Variants in FYB1 observed in about 807,000 individuals in gnomAD.
The protein encoded by FYB1 is FYN-binding protein 1.
FYB1 carries 41 observed loss-of-function variants against 94.1 expected under a neutral mutation model. The observed-to-expected ratio is 0.44, with a 90% CI of 0.34 to 0.57. The LOEUF is 0.57. Among genes scored for constraint, FYB1 ranks in the 20% least tolerant of loss-of-function variants. The pLI is 0.02. For missense variants in FYB1, 1,050 were observed against 976.8 expected (o/e 1.07, Z -1.00); for synonymous variants, 367 against 353.2 (o/e 1.04, Z -0.44).
At chr5:39,247,661 A>G (rs933101856) in intron 1 of FYB1, among the ~76,000 whole-genome samples, 1 of 151,942 alleles carries the variant, frequency 6.6e-6, no homozygotes, top group Non-Finnish European at 1.5e-5. Flanking sequence ...ATTTATAGCC[A>G]TTTTTCTTTA....
chr5:39,206,229 A>T (rs142932958), intron 1 of FYB1, among the ~76,000 whole-genome samples: 2 of 152,206 alleles, frequency 1.3e-5, no homozygotes, highest in African/African-American at 2.4e-5. Flanking sequence ...CCCCTTAGCC[A>T]CTAATATGTC....
intron 9 of FYB1, among the ~76,000 whole-genome samples, chr5:39,131,337 T>C (rs1481511260): frequency 5.9e-5 from 9 of 152,218 alleles, no homozygotes; most frequent in Non-Finnish European, 8.8e-5. Context: ...TCCCTCATTA[T>C]ACAGAAAAGA....
chr5:39,230,234 G>GT (rs1750661235), intron 1 of FYB1, among the ~76,000 whole-genome samples: 1 of 152,172 alleles, frequency 6.6e-6, no homozygotes, highest in Non-Finnish European at 1.5e-5. Context: ...CAGAAGGATC[G>GT]TTATACATGG....
intron 2 of FYB1, among the ~76,000 whole-genome samples, chr5:39,171,286 C>CAA (rs879557601): frequency 6.4e-5 from 9 of 140,558 alleles, no homozygotes; most frequent in African/African-American, 2.1e-4. Context: ...ACTCTGTCTC[C>CAA]AAAAAAAAAA....
At chr5:39,120,348 T>A (rs939574778) in intron 14 of FYB1, among the ~76,000 whole-genome samples, 7 of 151,978 alleles carry the variant, frequency 4.6e-5, no homozygotes, top group East Asian at 1.9e-4. Flanking sequence ...TTACTTTTTT[T>A]AAAACTGCTA....
At chr5:39,197,379 C>G (rs2150480861) in intron 2 of FYB1, among the ~76,000 whole-genome samples, 1 of 152,148 alleles carries the variant, frequency 6.6e-6, no homozygotes, top group Middle Eastern at 3.4e-3. Flanking sequence ...TCTGGAAGCC[C>G]TGTTATATGA....
chr5:39,242,910 A>G (rs1050349104), intron 1 of FYB1, among the ~76,000 whole-genome samples: 1 of 152,036 alleles, frequency 6.6e-6, no homozygotes, highest in Non-Finnish European at 1.5e-5. Context: ...GCATTTTTTC[A>G]TGTGTCTGTT....
chr5:39,150,784 G>C (rs1366085326), intron 3 of FYB1, among the ~76,000 whole-genome samples: 5 of 152,176 alleles, frequency 3.3e-5, no homozygotes, highest in Admixed American at 2.0e-4. Context: ...ATCATGGTCA[G>C]TGCTACTGCA....
intron 1 of FYB1, among the ~76,000 whole-genome samples, chr5:39,240,998 T>C (rs2150587111): frequency 6.6e-6 from 1 of 152,284 alleles, no homozygotes; most frequent in African/African-American, 2.4e-5. Context: ...TAAAAAAGAA[T>C]GAGATCATGT....
At position 39,247,989 on chromosome 5, in the gene FYB1, G is replaced by T. The variant is rs572871225; in HGVS notation, c.-28+26414C>A. On this transcript the variant is annotated intron_variant, in intron 1 of 1. Transcript: ENST00000510188. ...AGCAGTTTAGAAAGAGTCAAAGCAA[G>T]CACATTGGTTACTCAAGTGTAATAA... Among the ~76,000 whole-genome samples, 11 of 151,956 alleles carry T rather than the reference G, an allele frequency of 7.2e-5. No homozygotes were observed. The East Asian group carries it at 1.9e-3, about 27-fold the overall frequency.
chr5:39,188,266 C>T (rs889352745), intron 2 of FYB1, among the ~76,000 whole-genome samples: 3 of 151,978 alleles, frequency 2.0e-5, no homozygotes, highest in Admixed American at 6.6e-5. Flanking sequence ...TTGAGTAACA[C>T]CTTTGCTCTT....
chr5:39,158,829 T>C (rs1023974465), intron 2 of FYB1, among the ~76,000 whole-genome samples: 1 of 152,120 alleles, frequency 6.6e-6, no homozygotes, highest in African/African-American at 2.4e-5. Context: ...ATATTGCTGC[T>C]CCCAATTGCC....
rs182666637 is a variant in FYB1, at chr5:39,237,318, C to T, written c.-27-34331G>A. Among the ~76,000 whole-genome samples the T allele has an allele frequency of 1.8e-4, 27 of 152,032 alleles. 1 individual carries two copies. In the South Asian group the frequency reaches 5.4e-3, roughly 30 times the overall value. Reference sequence around the variant, plus strand: ...ACCGGCTTGCTGAAGATATTAGGTGCATACATGGAAGTAAAAGGGCAAATA... The same window carrying T: ...ACCGGCTTGCTGAAGATATTAGGTGTATACATGGAAGTAAAAGGGCAAATA... On this transcript the variant is annotated intron_variant, in intron 1 of 1. Coordinates refer to the FYB1 transcript ENST00000510188.
intron 2 of FYB1, chr5:39,170,247 T>A: frequency 9.0e-7 from 1 of 1,112,752 alleles, no homozygotes; most frequent in South Asian, 1.4e-5. Flanking sequence ...TGGTGGTGTC[T>A]TTCCTACTGA....
chr5:39,220,838 A>G (rs1750215342), upstream of FYB1, among the ~76,000 whole-genome samples: 1 of 152,232 alleles, frequency 6.6e-6, no homozygotes, highest in Admixed American at 6.5e-5. Context: ...AATGTTTTGT[A>G]CAGACCTCAG....
chr5:39,229,866 C>A (rs963264712), intron 1 of FYB1, among the ~76,000 whole-genome samples: 2 of 152,114 alleles, frequency 1.3e-5, no homozygotes, highest in Non-Finnish European at 2.9e-5. Flanking sequence ...AAGAGAATAA[C>A]CTGAGGGTAA....
intron 1 of FYB1, among the ~76,000 whole-genome samples, chr5:39,254,007 T>C (rs1301792086): frequency 1.3e-5 from 2 of 152,162 alleles, no homozygotes; most frequent in East Asian, 3.8e-4. Flanking sequence ...GTCCCATCCA[T>C]GAATGAGGAC....
intron 10 of FYB1, among the ~76,000 whole-genome samples, chr5:39,129,987 G>A (rs1411361618): frequency 1.3e-5 from 2 of 151,824 alleles, no homozygotes; most frequent in African/African-American, 4.8e-5. Flanking sequence ...ATTCACAGTA[G>A]CAAAGATATA....
At chr5:39,146,772 C>G (rs1742692852) in intron 3 of FYB1, among the ~76,000 whole-genome samples, 1 of 151,900 alleles carries the variant, frequency 6.6e-6, no homozygotes, top group Non-Finnish European at 1.5e-5. Flanking sequence ...TTTATGGACC[C>G]AAAATTATAG....
Sources: allele counts gnomAD v4.1 joint callset (sites outside exome capture counted in the v4.1 genomes callset), GRCh38; gene constraint gnomAD v4.1.1; transcripts MANE v1.5; gene names NCBI Gene and HGNC (gene_info 2026-07-23, HGNC 2026-07-21).